VDAC2: variants seen among roughly 807,000 people sequenced by gnomAD.
VDAC2 encodes voltage dependent anion channel 2.
A neutral mutation model predicts 36.6 loss-of-function variants in VDAC2; 6 were observed. That is an observed-to-expected ratio of 0.16 (90% CI 0.09 to 0.32). VDAC2 has a LOEUF of 0.32. Among genes scored for constraint, VDAC2 ranks in the 10% least tolerant of loss-of-function variants. The pLI is 1.00. For synonymous variants in VDAC2, 109 were observed against 123.8 expected, an observed-to-expected ratio of 0.88 and a Z score of 0.79; for missense variants, 247 against 346.0, an observed-to-expected ratio of 0.71 and a Z score of 2.27.
At chr10:75,213,167 C>T (rs1212620221) in intron 3 of VDAC2, among the ~76,000 whole-genome samples, 1 of 152,102 alleles carries the variant, frequency 6.6e-6, no homozygotes, top group African/African-American at 2.4e-5. Flanking sequence ...CAGCCTCTGC[C>T]TCCTGGGTTC....
chr10:75,211,381 C>T lies in VDAC2; in HGVS notation c.31+192C>T, dbSNP rs553651152. 1.5e-5 allele frequency: 21 copies of T among 1,403,122 alleles called. No homozygotes were observed. The African/African-American group carries it at 2.8e-4, about 18-fold the overall frequency. The allele number at this position is 1,403,122 out of a possible 1,614,324, so 86.9% of individuals were successfully genotyped here. On this transcript the variant is annotated intron_variant, in intron 2 of 9. Coordinates refer to ENST00000332211, the MANE Select transcript of VDAC2 (RefSeq NM_001391963.1). ...GCTGGATTTCAAATGGGGAACAAGG[C>T]CCGGGGAGTTGGTCTGTGGCCGCAT...
intron 3 of VDAC2, among the ~76,000 whole-genome samples, chr10:75,212,979 T>C (rs1045029858): frequency 1.3e-5 from 2 of 152,214 alleles, no homozygotes; most frequent in Non-Finnish European, 2.9e-5. Flanking sequence ...TTGAGTTTTC[T>C]TGAAAATTTT....
chr10:75,216,673 G>A (rs934907452), intron 4 of VDAC2, among the ~76,000 whole-genome samples: 1 of 152,154 alleles, frequency 6.6e-6, no homozygotes, highest in Non-Finnish European at 1.5e-5. Flanking sequence ...TGTTGGCTTT[G>A]TTTCTTGAGG....
intron 8 of VDAC2, among the ~76,000 whole-genome samples, chr10:75,228,827 G>C (rs1440796268): frequency 6.6e-6 from 1 of 152,220 alleles, no homozygotes; most frequent in East Asian, 1.9e-4. Context: ...CTAGGCCCTG[G>C]AAATGAAGGC....
chr10:75,217,950 G>A (rs944102878), intron 4 of VDAC2: 17 of 1,288,720 alleles, frequency 1.3e-5, no homozygotes, highest in Non-Finnish European at 1.7e-5. Context: ...CCTTAGGCTT[G>A]GCGTGGTGAT....
chr10:75,221,025 ATGTC>A, intron 7 of VDAC2, 55 bp downstream of exon 7: 1 of 1,520,878 alleles, frequency 6.6e-7, no homozygotes, highest in Non-Finnish European at 9.0e-7. Context: ...GATGATTTTG[ATGTC>A]TGTCATCTTA....
intron 4 of VDAC2, among the ~76,000 whole-genome samples, chr10:75,215,394 C>T (rs993201395): frequency 6.6e-6 from 1 of 151,584 alleles, no homozygotes; most frequent in African/African-American, 2.4e-5. Flanking sequence ...CACTGTCACC[C>T]AGGCTGGAGT....
At chr10:75,215,720 TG>T (rs1333474454) in intron 4 of VDAC2, among the ~76,000 whole-genome samples, 26 of 148,474 alleles carry the variant, frequency 1.8e-4, no homozygotes, top group African/African-American at 6.0e-4. Flanking sequence ...TTTTTTGTTT[TG>T]TTTTTTTTTT....
At chr10:75,213,962 G>A (rs1841516984) in intron 3 of VDAC2, 59 bp from the exon 4 acceptor site, 4 of 1,543,862 alleles carry the variant, frequency 2.6e-6, no homozygotes, top group Non-Finnish European at 2.7e-6. Flanking sequence ...GTCAACAATT[G>A]CTATGCATCT....
chr10:75,228,570 A>G (rs894384008), intron 8 of VDAC2, among the ~76,000 whole-genome samples: 2 of 152,176 alleles, frequency 1.3e-5, no homozygotes, highest in Non-Finnish European at 2.9e-5. Context: ...TTTTCTTTAG[A>G]TGGTCATTGG....
chr10:75,217,625 G>A (rs1354538074), intron 4 of VDAC2, among the ~76,000 whole-genome samples: 3 of 152,216 alleles, frequency 2.0e-5, no homozygotes, highest in East Asian at 1.9e-4. Context: ...TGATCGGCCC[G>A]CCTTGGCCTC....
chr10:75,211,306 GT>G, intron 2 of VDAC2, 117 bp downstream of exon 2: 1 of 1,479,014 alleles, frequency 6.8e-7, no homozygotes, highest in South Asian at 1.3e-5. Flanking sequence ...GCTGCTTTTG[GT>G]GGTCGCCCCA....
Position 75,231,008 on chromosome 10 carries a change from T to C in VDAC2, c.*19T>C. On this transcript the variant is annotated 3_prime_UTR_variant, in exon 10 of 10. Transcript: ENST00000332211. ...GGCTTAATCCAGCTGAAAGAAACCT[T>C]TGGGAATGGATATCAGAAGATTTGG... The C allele has an allele frequency of 6.3e-7, 1 of 1,585,668 alleles. No homozygotes were observed. Among genetic ancestry groups the C allele is most frequent in the Non-Finnish European group, 8.6e-7 (1 of 1,158,706 alleles).
At chr10:75,226,116 C>G (rs1178530774) in intron 8 of VDAC2, among the ~76,000 whole-genome samples, 1 of 152,106 alleles carries the variant, frequency 6.6e-6, no homozygotes, top group Non-Finnish European at 1.5e-5. Flanking sequence ...AAACCTATCC[C>G]TATCCCACAG....
chr10:75,211,926 A>G (rs1841436174), intron 2 of VDAC2, among the ~76,000 whole-genome samples: 1 of 152,208 alleles, frequency 6.6e-6, no homozygotes, highest in African/African-American at 2.4e-5. Flanking sequence ...ACACACAAAT[A>G]CTTGTTTGAT....
intron 6 of VDAC2, among the ~76,000 whole-genome samples, chr10:75,219,882 C>T (rs1382220010): frequency 6.6e-6 from 1 of 151,214 alleles, no homozygotes; most frequent in African/African-American, 2.4e-5. Flanking sequence ...GGCTGGAGTG[C>T]AGTGGCGCGA....
At chr10:75,218,568 C>T (rs1363757242) in intron 4 of VDAC2, among the ~76,000 whole-genome samples, 2 of 152,136 alleles carry the variant, frequency 1.3e-5, no homozygotes, top group African/African-American at 4.8e-5. Context: ...TGGAGACCAG[C>T]CTGACCAACA....
At chr10:75,215,747 A>G (rs1159241583) in intron 4 of VDAC2, among the ~76,000 whole-genome samples, 1 of 148,128 alleles carries the variant, frequency 6.8e-6, no homozygotes, top group East Asian at 2.0e-4. Context: ...TCTGAGACGC[A>G]GTCTTGCTCT....
intron 4 of VDAC2, among the ~76,000 whole-genome samples, chr10:75,215,446 G>A (rs1188031642): frequency 6.6e-6 from 1 of 150,690 alleles, no homozygotes; most frequent in Non-Finnish European, 1.5e-5. Context: ...CCACCTCCCA[G>A]GTTCATGCCT....
Sources: gnomAD v4.1 joint callset for allele counts (sites outside exome capture counted in the v4.1 genomes callset) on GRCh38, gnomAD v4.1.1 for gene constraint, MANE v1.5 for transcripts, NCBI Gene and HGNC (gene_info 2026-07-23, HGNC 2026-07-21) for gene names.